GRAMD4: variants seen among roughly 807,000 people sequenced by gnomAD.
GRAMD4 encodes the protein GRAM domain containing 4.
A neutral mutation model predicts 83.9 loss-of-function variants in GRAMD4; 25 were observed. That is an observed-to-expected ratio of 0.30 (90% CI 0.22 to 0.42). The LOEUF (loss-of-function observed/expected upper bound fraction) is 0.42. GRAMD4 is among the 10% of genes least tolerant of loss of function. The probability of loss-of-function intolerance (pLI) is 1.00; values close to 1 mark genes in which losing one functional copy is unlikely to be tolerated. For synonymous variants in GRAMD4, 336 were observed against 320.9 expected, an observed-to-expected ratio of 1.05 and a Z score of -0.50; for missense variants, 593 against 788.7, an observed-to-expected ratio of 0.75 and a Z score of 2.97.
At chr22:46,656,327 C>T (rs1361450480) in intron 3 of GRAMD4, among the ~76,000 whole-genome samples, 2 of 152,264 alleles carry the variant, frequency 1.3e-5, no homozygotes, top group Non-Finnish European at 2.9e-5. Context: ...AGGTGCCTGT[C>T]TCTTCCCTTT....
rs1275392105 is a variant in GRAMD4 at position 46,672,831 on chromosome 22, C to T, written c.1085-12C>T. 3.1e-6 allele frequency: 5 copies of T among 1,605,452 alleles called. No homozygotes were observed. The highest frequency in any genetic ancestry group is 2.6e-6 in the Non-Finnish European group (3 of 1,173,776). On this transcript the variant is annotated splice_polypyrimidine_tract_variant and intron_variant, in intron 13 of 18. Transcript: ENST00000406902. This position sits in a 1 kb window ranked among gnomAD's most constrained non-coding sequence, Gnocchi z 4.7. Reference sequence around the variant, plus strand: ...AGCTCTAGATGGAGCAGGCTGTGTCCCCTGCCCTCAGGACTCTATGCTGGT... The same window carrying T: ...AGCTCTAGATGGAGCAGGCTGTGTCTCCTGCCCTCAGGACTCTATGCTGGT...
chr22:46,666,880 C>G lies in GRAMD4; in HGVS notation c.858+7C>G, dbSNP rs532935177. 1.6e-5 allele frequency: 25 copies of G among 1,580,274 alleles called. 1 individual carries two copies. The East Asian group carries it at 1.9e-4, about 12-fold the overall frequency. On this transcript the variant is annotated splice_region_variant and intron_variant, in intron 10 of 18. Coordinates refer to ENST00000406902, the MANE Select transcript of GRAMD4 (RefSeq NM_015124.5). ...CGAAGTGTCTGAGCCCGTGGTAAGT[C>G]CCTGGAGGGTGCACGGTCTCCTCCG...
At chr22:46,669,668 C>CCT in intron 13 of GRAMD4, among the ~76,000 whole-genome samples, 1 of 151,540 alleles carries the variant, frequency 6.6e-6, no homozygotes, top group Non-Finnish European at 1.5e-5. Context: ...CTCCGCCTCC[C>CCT]GGGTTCAAGT....
chr22:46,661,332 G>C (rs765414713), intron 4 of GRAMD4, 49 bp from the exon 5 acceptor site: 16 of 1,477,866 alleles, frequency 1.1e-5, no homozygotes, highest in Non-Finnish European at 1.4e-5. Context: ...ACTGGGCATG[G>C]AGTTTGGAAC....
chr22:46,578,693 C>T (rs530660754), intron 1 of GRAMD4, among the ~76,000 whole-genome samples: 3 of 152,316 alleles, frequency 2.0e-5, no homozygotes, highest in African/African-American at 7.2e-5. Context: ...GGTGAAACCA[C>T]GTTCCCCTGT....
upstream of GRAMD4, among the ~76,000 whole-genome samples, chr22:46,617,828 G>A (rs928335223): frequency 1.3e-5 from 2 of 152,238 alleles, no homozygotes; most frequent in African/African-American, 4.8e-5. Flanking sequence ...CCCACATGGG[G>A]TTCCAGCCTG....
intron 14 of GRAMD4, among the ~76,000 whole-genome samples, chr22:46,673,278 G>C (rs1256838742): frequency 6.6e-6 from 1 of 152,196 alleles, no homozygotes; most frequent in Non-Finnish European, 1.5e-5. Flanking sequence ...CCCGGCCCCT[G>C]CCATCCCTGA....
chr22:46,642,274 G>T (rs1178484604), intron 3 of GRAMD4, among the ~76,000 whole-genome samples: 1 of 152,218 alleles, frequency 6.6e-6, no homozygotes. Context: ...GTTTCTTTTG[G>T]TGGAAGCTGA....
In GRAMD4 at chr22:46,603,513, C is replaced by CTTTTTTTTTT. The variant is rs1569254347; in HGVS notation, c.-49-23237_-49-23236insTTTTTTTTTT. On this transcript the variant is annotated intron_variant, in intron 1 of 1. Coordinates refer to the GRAMD4 transcript ENST00000431155. ...CATGAGCCACCGCGCCCGGCCTCTT[C>CTTTTTTTTTT]TCTTTTTTTTTTTTTTTTTTTGAGA... Among the ~76,000 whole-genome samples, 23 of 106,008 alleles carry CTTTTTTTTTT rather than the reference C, an allele frequency of 2.2e-4. 5 individuals are homozygous for CTTTTTTTTTT. The highest frequency in any genetic ancestry group is 3.1e-4 in the South Asian group (1 of 3,258). 69.5% of individuals were successfully genotyped at this position (106,008 alleles called of 152,430 possible). A position where few individuals can be genotyped will look rare whatever the true frequency, so the allele number is the denominator to read the frequency against.
Position 46,644,391 on chromosome 22 carries a change from A to G in GRAMD4, c.283+6431A>G, listed in dbSNP as rs550194582. 3.4e-5 allele frequency among the ~76,000 whole-genome samples: 5 copies of G among 145,794 alleles called. No homozygotes were observed. The South Asian group carries it at 6.5e-4, about 19-fold the overall frequency. ...TCTGGGTTACACCTGTCCCTGTTCC[A>G]GGTTACACCTGCCCCTGTTCCATGT... On this transcript the variant is annotated intron_variant, in intron 3 of 18. Transcript: ENST00000406902.
chr22:46,629,506 G>A (rs900274035), intron 2 of GRAMD4, among the ~76,000 whole-genome samples: 11 of 152,270 alleles, frequency 7.2e-5, no homozygotes, highest in African/African-American at 2.6e-4. Flanking sequence ...GGCCCCCGGG[G>A]TGGGGGGCTG....
intron 3 of GRAMD4, among the ~76,000 whole-genome samples, chr22:46,642,931 T>TCATC (rs1188507885): frequency 1.6e-4 from 17 of 104,978 alleles, no homozygotes; most frequent in Non-Finnish European, 3.1e-4. Flanking sequence ...AGGGATCCAT[T>TCATC]CATCCATCCA....
At position 46,665,607 on chromosome 22, in the gene GRAMD4, A is replaced by G. The variant is rs1159004037; in HGVS notation, c.718-8A>G. On this transcript the variant is annotated splice_region_variant and splice_polypyrimidine_tract_variant and intron_variant, in intron 8 of 18. Transcript: ENST00000406902. Reference sequence around the variant, plus strand: ...CAGGAGGTCTGACGCCCTGTCTCTCACCCGCAGGTGTACATGAATGCCGTG... The same window carrying G: ...CAGGAGGTCTGACGCCCTGTCTCTCGCCCGCAGGTGTACATGAATGCCGTG... 6.6e-7 allele frequency: 1 copy of G among 1,513,714 alleles called. No homozygotes were observed. The highest frequency in any genetic ancestry group is 1.7e-5 in the Admixed American group (1 of 59,762). 93.8% of individuals were successfully genotyped at this position (1,513,714 alleles called of 1,614,324 possible). A position where few individuals can be genotyped will look rare whatever the true frequency, so the allele number is the denominator to read the frequency against.
At chr22:46,636,967 T>C (rs1439584967) in intron 2 of GRAMD4, among the ~76,000 whole-genome samples, 1 of 152,206 alleles carries the variant, frequency 6.6e-6, no homozygotes, top group Non-Finnish European at 1.5e-5. Flanking sequence ...TGTGGCTCAC[T>C]GGGGCTGTGA....
At chr22:46,600,535 G>C (rs2081302436) in intron 1 of GRAMD4, among the ~76,000 whole-genome samples, 1 of 152,176 alleles carries the variant, frequency 6.6e-6, no homozygotes, top group African/African-American at 2.4e-5. Context: ...TGGAGAGCAG[G>C]GTCCTTACCA....
At chr22:46,665,001 C>T (rs2147361121) in intron 8 of GRAMD4, among the ~76,000 whole-genome samples, 1 of 152,364 alleles carries the variant, frequency 6.6e-6, no homozygotes, top group South Asian at 2.1e-4. Context: ...CCACCGGCTT[C>T]ACCCTGGCCC....
At chr22:46,663,228 T>G in intron 6 of GRAMD4, 56 bp downstream of exon 6, 1 of 1,548,942 alleles carries the variant, frequency 6.5e-7, no homozygotes, top group South Asian at 1.1e-5. Context: ...GTCCCTGGGC[T>G]GAGGCTGCAG....
In GRAMD4 at chr22:46,668,883, C is replaced by T; in HGVS notation, c.1059C>T (p.Pro353=). The change falls in exon 13 of 19, where the codon CCC becomes CCT. Residue 353 remains proline, a synonymous_variant. Transcript: ENST00000406902. ...CCTTCCTGGCCTCCTGCTTCTTCCCCTACCGCCTGGTGGGGCTTGCCGTGG... is the reference window on the plus strand; with the variant it reads ...CCTTCCTGGCCTCCTGCTTCTTCCCTTACCGCCTGGTGGGGCTTGCCGTGG... ...WAAFLASCFF[P]YRLVGLAVGL... 6.2e-7 allele frequency: 1 copy of T among 1,610,506 alleles called. No homozygotes were observed. Among genetic ancestry groups the T allele is most frequent in the Non-Finnish European group, 8.5e-7 (1 of 1,177,714 alleles).
At chr22:46,616,585 T>C (rs2081499238), upstream of GRAMD4, among the ~76,000 whole-genome samples, 1 of 140,286 alleles carries the variant, frequency 7.1e-6, no homozygotes, top group Non-Finnish European at 1.5e-5. Flanking sequence ...CCCCTGTGCG[T>C]GCAGGTTCCC....
Sources: gnomAD v4.1 joint callset for allele counts (sites outside exome capture counted in the v4.1 genomes callset) on GRCh38, gnomAD v4.1.1 for gene constraint, Gnocchi (gnomAD v3.1) non-coding constraint, MANE v1.5 for transcripts, NCBI Gene and HGNC (gene_info 2026-07-23, HGNC 2026-07-21) for gene names.